The following CTNNA2 variants were observed in gnomAD, a reference collection of about 807,000 sequenced individuals.
CTNNA2 encodes catenin alpha-2.
A neutral mutation model predicts 101.0 loss-of-function variants in CTNNA2; 42 were observed. That is an observed-to-expected ratio of 0.42 (90% CI 0.32 to 0.54). CTNNA2 has a LOEUF of 0.54. Among genes scored for constraint, CTNNA2 ranks in the 20% least tolerant of loss-of-function variants. The probability of loss-of-function intolerance (pLI) is 0.14; values close to 1 mark genes in which losing one functional copy is unlikely to be tolerated. For synonymous variants in CTNNA2, 450 were observed against 456.4 expected, an observed-to-expected ratio of 0.99 and a Z score of 0.18; for missense variants, 871 against 1,223.1, an observed-to-expected ratio of 0.71 and a Z score of 4.29.
At chr2:80,178,665 TG>T (rs955598004) in intron 7 of CTNNA2, among the ~76,000 whole-genome samples, 2 of 152,104 alleles carry the variant, frequency 1.3e-5, no homozygotes, top group Admixed American at 1.3e-4. Flanking sequence ...ACTCGAAAAA[TG>T]GGCCAGAGTA....
chr2:79,733,008 G>A (rs547353439), intron 2 of CTNNA2, among the ~76,000 whole-genome samples: 6 of 152,256 alleles, frequency 3.9e-5, no homozygotes, highest in South Asian at 4.1e-4. Flanking sequence ...TCAATTGACC[G>A]CATCAACTTC....
chr2:79,553,547 A>C (rs1434065803), intron 1 of CTNNA2, among the ~76,000 whole-genome samples: 2 of 152,200 alleles, frequency 1.3e-5, no homozygotes, highest in Non-Finnish European at 2.9e-5. Flanking sequence ...CAGGCTTAAC[A>C]TGAAGCATGG....
intron 7 of CTNNA2, among the ~76,000 whole-genome samples, chr2:79,969,714 T>A (rs992342166): frequency 1.3e-5 from 2 of 152,210 alleles, no homozygotes; most frequent in African/African-American, 2.4e-5. Context: ...GCCTTCTCTG[T>A]CTTCCTTTGG....
At chr2:80,242,057 T>C (rs925436085) in intron 7 of CTNNA2, among the ~76,000 whole-genome samples, 2 of 152,162 alleles carry the variant, frequency 1.3e-5, no homozygotes, top group Non-Finnish European at 2.9e-5. Flanking sequence ...AGAAAAACAG[T>C]TGAAAACAAA....
chr2:80,287,290 C>T (rs953875204), intron 7 of CTNNA2, among the ~76,000 whole-genome samples: 2 of 152,130 alleles, frequency 1.3e-5, no homozygotes, highest in Admixed American at 1.3e-4. Context: ...ATTTTGGGTA[C>T]ATCAGAAAGA....
At chr2:80,392,338 T>C (rs1412138282) in intron 7 of CTNNA2, among the ~76,000 whole-genome samples, 1 of 152,212 alleles carries the variant, frequency 6.6e-6, no homozygotes, top group Non-Finnish European at 1.5e-5. Flanking sequence ...ATTTAGATAA[T>C]TTAATCAATT....
chr2:80,063,886 T>G (rs1180700604), intron 7 of CTNNA2, among the ~76,000 whole-genome samples: 1 of 152,226 alleles, frequency 6.6e-6, no homozygotes, highest in Admixed American at 6.5e-5. Context: ...CCTAGTTATT[T>G]GATATGGATC....
intron 7 of CTNNA2, among the ~76,000 whole-genome samples, chr2:80,306,626 C>T (rs757675173): frequency 3.9e-5 from 6 of 151,962 alleles, no homozygotes; most frequent in Admixed American, 3.9e-4. Flanking sequence ...AGTGGTTTCA[C>T]CTCTTGCCAA....
chr2:80,127,793 G>A (rs1321219659), intron 7 of CTNNA2, among the ~76,000 whole-genome samples: 1 of 152,084 alleles, frequency 6.6e-6, no homozygotes, highest in Non-Finnish European at 1.5e-5. Flanking sequence ...CAACTCTCTG[G>A]AACTCTGGGC....
At chr2:80,051,753 A>G (rs1696891380) in intron 7 of CTNNA2, among the ~76,000 whole-genome samples, 1 of 152,058 alleles carries the variant, frequency 6.6e-6, no homozygotes, top group South Asian at 2.1e-4. Context: ...ATTCCTGAGG[A>G]AAATGAAAAG....
chr2:80,043,622 C>T (rs921949913), intron 7 of CTNNA2, among the ~76,000 whole-genome samples: 4 of 152,156 alleles, frequency 2.6e-5, no homozygotes, highest in Admixed American at 2.0e-4. Context: ...TATTTCTTCA[C>T]AATACCCTTA....
intron 2 of CTNNA2, among the ~76,000 whole-genome samples, chr2:79,686,161 A>G (rs932917836): frequency 6.6e-6 from 1 of 152,104 alleles, no homozygotes; most frequent in African/African-American, 2.4e-5. Context: ...AGGGAAAGTC[A>G]TGACAAGAAA....
chr2:79,244,725 G>A (rs1048718677), intron 2 of CTNNA2, among the ~76,000 whole-genome samples: 3 of 152,144 alleles, frequency 2.0e-5, no homozygotes, highest in African/African-American at 7.2e-5. Flanking sequence ...AGCTCATTAT[G>A]TTGTTCTTTT....
At chr2:79,958,388 C>T (rs2861960) in intron 7 of CTNNA2, among the ~76,000 whole-genome samples, 135,440 of 152,124 alleles carry the variant, frequency 0.89, 60,467 homozygotes, top group African/African-American at 0.94. Flanking sequence ...GATGGAGAGA[C>T]TGTCCTGGAT....
At chr2:79,766,070 G>A (rs1673130070) in intron 3 of CTNNA2, among the ~76,000 whole-genome samples, 1 of 152,184 alleles carries the variant, frequency 6.6e-6, no homozygotes, top group African/African-American at 2.4e-5. Flanking sequence ...ACACACCGCA[G>A]TCAGTGTTAT....
At chr2:79,330,495 C>G (rs1676846836) in intron 3 of CTNNA2, among the ~76,000 whole-genome samples, 3 of 152,144 alleles carry the variant, frequency 2.0e-5, no homozygotes, top group South Asian at 4.1e-4. Flanking sequence ...AGCCTTGAAG[C>G]AACGCATCTC....
intron 7 of CTNNA2, among the ~76,000 whole-genome samples, chr2:80,370,455 T>A (rs560953974): frequency 3.7e-4 from 57 of 152,220 alleles, no homozygotes; most frequent in African/African-American, 1.3e-3. Flanking sequence ...ATACCATTTT[T>A]TAAATATGGA....
intron 2 of CTNNA2, among the ~76,000 whole-genome samples, chr2:79,686,338 T>C (rs1251584073): frequency 6.6e-6 from 1 of 152,098 alleles, no homozygotes; most frequent in African/African-American, 2.4e-5. Context: ...CCACACTAAT[T>C]CCTGTGGCCG....
At chr2:79,240,252 T>G (rs1010143997) in intron 2 of CTNNA2, among the ~76,000 whole-genome samples, 1 of 151,712 alleles carries the variant, frequency 6.6e-6, no homozygotes, top group African/African-American at 2.4e-5. Context: ...CTGGGGTACA[T>G]GTGCAGATGT....
Sources: allele counts gnomAD v4.1 joint callset (sites outside exome capture counted in the v4.1 genomes callset), GRCh38; gene constraint gnomAD v4.1.1; transcripts MANE v1.5; gene names NCBI Gene and HGNC (gene_info 2026-07-23, HGNC 2026-07-21).